TBL1X: variants seen among roughly 807,000 people sequenced by gnomAD.
TBL1X encodes F-box-like/WD repeat-containing protein TBL1X.
TBL1X carries 10 observed loss-of-function variants against 50.7 expected under a neutral mutation model. The observed-to-expected ratio is 0.20, with a 90% CI of 0.12 to 0.33. TBL1X has a LOEUF of 0.33. TBL1X is among the 10% of genes least tolerant of loss of function. TBL1X has a pLI of 1.00. For missense variants in TBL1X, 340 were observed against 504.4 expected, an observed-to-expected ratio of 0.67 and a Z score of 3.12; for synonymous variants, 190 against 214.7, an observed-to-expected ratio of 0.88 and a Z score of 1.01.
At chrX:9,508,735 C>T (rs1334366775) in intron 2 of TBL1X, among the ~76,000 whole-genome samples, 1 of 111,973 alleles carries the variant, frequency 8.9e-6, no homozygotes, top group Non-Finnish European at 1.9e-5. Context: ...GGCACATATA[C>T]ATCATGGAAT....
intron 2 of TBL1X, among the ~76,000 whole-genome samples, chrX:9,628,554 C>CT (rs3043949): frequency 0.056 from 5,774 of 102,563 alleles, 186 homozygotes; most frequent in Middle Eastern, 0.091. Context: ...TTTTTCTTTT[C>CT]TTTTTTTTTT....
chrX:9,612,649 C>A (rs896641637), intron 2 of TBL1X, among the ~76,000 whole-genome samples: 1 of 111,476 alleles, frequency 9.0e-6, no homozygotes, highest in Non-Finnish European at 1.9e-5. Flanking sequence ...ACAAAGTCTG[C>A]AAAATCCAGT....
chrX:9,543,030 G>A (rs760709438), intron 2 of TBL1X, among the ~76,000 whole-genome samples: 2 of 112,098 alleles, frequency 1.8e-5, no homozygotes, highest in African/African-American at 3.2e-5. Flanking sequence ...CACCTGCCCC[G>A]GACTCCTCCC....
rs932086896 is a variant in TBL1X at position 9,488,245 on chromosome X, C to T, written c.-200-13535C>T. Among the ~76,000 whole-genome samples the T allele has an allele frequency of 6.2e-5, 7 of 112,346 alleles. No individual in the cohort carries two copies. In the South Asian group the frequency reaches 1.5e-3, roughly 23 times the overall value. On this transcript the variant is annotated intron_variant, in intron 1 of 17. Transcript: ENST00000645353. ...GGCTTAAACAAAAACTATTATCTTACGGTTCTGAAGGCCAGAAGTCTGAAA... is the reference window on the plus strand; with the variant it reads ...GGCTTAAACAAAAACTATTATCTTATGGTTCTGAAGGCCAGAAGTCTGAAA...
chrX:9,700,976 C>G, intron 12 of TBL1X, among the ~76,000 whole-genome samples: 1 of 110,824 alleles, frequency 9.0e-6, no homozygotes, highest in South Asian at 3.9e-4. Flanking sequence ...TGGGACCCGT[C>G]AGTGCTGTGG....
rs900553680 is a variant in TBL1X at position 9,717,635 on chromosome X, C to T, written c.*1389C>T. On this transcript the variant is annotated 3_prime_UTR_variant, in exon 18 of 18. Coordinates refer to ENST00000645353, the MANE Select transcript of TBL1X (RefSeq NM_005647.4). ...AAGGTACTGCAGAAGCCGTCGAAAC[C>T]GACTGCTCGGCTGGATTAGGCGTGT... 3 of 112,981 alleles carry T rather than the reference C, an allele frequency of 2.7e-5. No homozygotes were observed. The highest frequency in any genetic ancestry group is 9.3e-5 in the Admixed American group (1 of 10,754). 9.3% of individuals were successfully genotyped at this position (112,981 alleles called of 1,213,427 possible). A position where few individuals can be genotyped will look rare whatever the true frequency, so the allele number is the denominator to read the frequency against.
intron 5 of TBL1X, among the ~76,000 whole-genome samples, chrX:9,670,540 A>G (rs1000286849): frequency 9.8e-5 from 11 of 112,398 alleles, no homozygotes; most frequent in Admixed American, 5.6e-4. Flanking sequence ...CTGTCTAGGC[A>G]GCAGGCAAGG....
intron 1 of TBL1X, among the ~76,000 whole-genome samples, chrX:9,489,685 C>T (rs926768825): frequency 9.0e-6 from 1 of 111,667 alleles, no homozygotes; most frequent in African/African-American, 3.3e-5. Flanking sequence ...GTCACTACCC[C>T]TAACATCCCA....
chrX:9,488,469 A>G (rs1046619476), intron 1 of TBL1X, among the ~76,000 whole-genome samples: 1 of 111,939 alleles, frequency 8.9e-6, no homozygotes, highest in African/African-American at 3.2e-5. Context: ...CTCTGAGACC[A>G]TAGCTGGGAA....
chrX:9,674,095 T>C (rs1462906869), intron 5 of TBL1X, among the ~76,000 whole-genome samples: 1 of 111,918 alleles, frequency 8.9e-6, no homozygotes, highest in Non-Finnish European at 1.9e-5. Context: ...ATTGGAAAAA[T>C]AATACATTGG....
intron 2 of TBL1X, among the ~76,000 whole-genome samples, chrX:9,602,740 C>T (rs1308037906): frequency 8.9e-6 from 1 of 112,460 alleles, no homozygotes; most frequent in Non-Finnish European, 1.9e-5. Context: ...ATCCAACTCT[C>T]ATTGAATTTT....
intron 2 of TBL1X, among the ~76,000 whole-genome samples, chrX:9,515,428 C>G (rs1309152146): frequency 2.7e-5 from 3 of 112,125 alleles, no homozygotes; most frequent in Non-Finnish European, 5.6e-5. Flanking sequence ...CCACCTCTTG[C>G]TGAGAAGGCA....
Position 9,692,274 on chromosome X carries a change from T to C in TBL1X, c.891+20T>C. On this transcript the variant is annotated intron_variant, in intron 9 of 17. Transcript: ENST00000645353. ...TGGAATGTAAGCATCTTCCACCCCC[T>C]GGGCACTTTGAAATTGGTAAAATCG... 1 of 1,151,581 alleles carries C rather than the reference T, an allele frequency of 8.7e-7. No homozygotes were observed. Among genetic ancestry groups the C allele is most frequent in the Non-Finnish European group, 1.2e-6 (1 of 869,359 alleles). The allele number at this position is 1,151,581 out of a possible 1,213,427, so 94.9% of individuals were successfully genotyped here.
intron 2 of TBL1X, among the ~76,000 whole-genome samples, chrX:9,630,672 C>T (rs1426968906): frequency 9.0e-6 from 1 of 111,677 alleles, no homozygotes; most frequent in Non-Finnish European, 1.9e-5. Context: ...TCCTCCCGGG[C>T]TCAGGTGATC....
chrX:9,631,055 T>C (rs1437803462), intron 2 of TBL1X, among the ~76,000 whole-genome samples: 4 of 112,082 alleles, frequency 3.6e-5, no homozygotes, highest in Non-Finnish European at 7.5e-5. Context: ...GTAGGTTTGT[T>C]ATAGACAGCA....
At chrX:9,681,616 T>C (rs1379432093) in intron 5 of TBL1X, among the ~76,000 whole-genome samples, 1 of 111,910 alleles carries the variant, frequency 8.9e-6, no homozygotes, top group East Asian at 2.8e-4. Flanking sequence ...TGAGTCAGAG[T>C]GGATGAATGA....
At chrX:9,603,193 A>G (rs778935629) in intron 2 of TBL1X, among the ~76,000 whole-genome samples, 142 of 112,104 alleles carry the variant, frequency 1.3e-3, no homozygotes, top group African/African-American at 4.4e-3. Flanking sequence ...GAAAGAGCTC[A>G]TTATAGTAAT....
At chrX:9,511,524 G>C (rs2082055479) in intron 2 of TBL1X, among the ~76,000 whole-genome samples, 1 of 112,460 alleles carries the variant, frequency 8.9e-6, no homozygotes. Flanking sequence ...CCAGTATTCT[G>C]TGATTCCAAA....
rs2083281845 is a variant in TBL1X, at chrX:9,716,852, G to C, written c.*606G>C. 1 of 111,164 alleles carries C rather than the reference G, an allele frequency of 9.0e-6. No homozygotes were observed. Among genetic ancestry groups the C allele is most frequent in the Admixed American group, 9.6e-5 (1 of 10,434 alleles). 9.2% of individuals were successfully genotyped at this position (111,164 alleles called of 1,213,427 possible). On this transcript the variant is annotated 3_prime_UTR_variant, in exon 18 of 18. Transcript: ENST00000645353. Reference sequence around the variant, plus strand: ...TATCTTCTGGGGGCCTTCCGTCTGAGATGGAAGCTGTCTTGGGCTTGTTGT... The same window carrying C: ...TATCTTCTGGGGGCCTTCCGTCTGACATGGAAGCTGTCTTGGGCTTGTTGT...
Sources: gnomAD v4.1 joint callset for allele counts (sites outside exome capture counted in the v4.1 genomes callset) on GRCh38, gnomAD v4.1.1 for gene constraint, MANE v1.5 for transcripts, NCBI Gene and HGNC (gene_info 2026-07-23, HGNC 2026-07-21) for gene names.